The following ZNF487 variants were observed in gnomAD, a reference collection of about 807,000 sequenced individuals.
ZNF487 encodes the protein KRAB domain only 1.
ZNF487 carries 4 observed loss-of-function variants against 3.0 expected under a neutral mutation model. The observed-to-expected ratio is 1.35, with a 90% confidence interval of 0.66 to 3.08. The LOEUF is 3.08. ZNF487 is among the 30% of genes most tolerant of loss of function. The pLI is 0.01. For synonymous variants in ZNF487, 55 were observed against 34.6 expected (o/e 1.59, Z -2.06); for missense variants, 146 against 98.7 (o/e 1.48, Z -2.03).
At chr10:43,511,009 C>G in the ZNF487 span, among the ~76,000 whole-genome samples, 1 of 152,138 alleles carries the variant, frequency 6.6e-6, no homozygotes, top group African/African-American at 2.4e-5. Context: ...TTTGCGGGAA[C>G]AGGAAGCAAA....
chr10:43,502,670 A>C, the ZNF487 span, among the ~76,000 whole-genome samples: 1 of 152,164 alleles, frequency 6.6e-6, no homozygotes, highest in Admixed American at 6.5e-5. Context: ...ATAAATGCCT[A>C]TGTTACTGGT....
the ZNF487 span, among the ~76,000 whole-genome samples, chr10:43,518,143 G>T: frequency 6.6e-6 from 1 of 152,152 alleles, no homozygotes; most frequent in Non-Finnish European, 1.5e-5. Context: ...AAAAATCAAA[G>T]TAACAGGTGT....
chr10:43,476,604 A>G (rs536452705), intron 3 of ZNF487, among the ~76,000 whole-genome samples: 4 of 152,240 alleles, frequency 2.6e-5, no homozygotes, highest in African/African-American at 9.6e-5. Context: ...TGGCTGTGTT[A>G]TGTTGGTAGA....
the ZNF487 span, among the ~76,000 whole-genome samples, chr10:43,519,816 C>A: frequency 6.6e-6 from 1 of 152,082 alleles, no homozygotes; most frequent in Non-Finnish European, 1.5e-5. Flanking sequence ...TTAGCCTGAC[C>A]AAATTTATTT....
At chr10:43,501,072 T>C in the ZNF487 span, among the ~76,000 whole-genome samples, 2 of 152,320 alleles carry the variant, frequency 1.3e-5, no homozygotes, top group South Asian at 2.1e-4. Context: ...ATCTAGACTA[T>C]ACGATATAGC....
chr10:43,473,611 C>T (rs1044309131), intron 1 of ZNF487, among the ~76,000 whole-genome samples: 14 of 152,092 alleles, frequency 9.2e-5, no homozygotes, highest in African/African-American at 3.4e-4. Flanking sequence ...CTCCGCCTCC[C>T]GGGTTCACGC....
chr10:43,464,573 T>TCCCTAATGAGCTCC (rs1294688637), intron 1 of ZNF487, among the ~76,000 whole-genome samples: 1 of 152,126 alleles, frequency 6.6e-6, no homozygotes, highest in Non-Finnish European at 1.5e-5. Context: ...TGGTGATGAC[T>TCCCTAATGAGCTCC]CTTGATGAGC....
chr10:43,475,555 C>A, intron 1 of ZNF487, 166 bp from the exon 2 acceptor site: 2 of 593,860 alleles, frequency 3.4e-6, no homozygotes, highest in Non-Finnish European at 3.0e-6. Flanking sequence ...GTCCTCATAC[C>A]AGGATTTCTC....
intron 3 of ZNF487, among the ~76,000 whole-genome samples, chr10:43,481,014 G>A (rs902377711): frequency 6.6e-6 from 1 of 152,052 alleles, no homozygotes; most frequent in Non-Finnish European, 1.5e-5. Context: ...TCTCATGCCT[G>A]TAATCTCAGC....
intron 1 of ZNF487, among the ~76,000 whole-genome samples, chr10:43,464,046 A>G (rs907081428): frequency 6.6e-6 from 1 of 152,028 alleles, no homozygotes; most frequent in African/African-American, 2.4e-5. Context: ...AGAGTCATAC[A>G]TCTCTCACTT....
intron 1 of ZNF487, among the ~76,000 whole-genome samples, chr10:43,449,424 C>T (rs1839930298): frequency 6.6e-6 from 1 of 152,058 alleles, no homozygotes; most frequent in African/African-American, 2.4e-5. Flanking sequence ...CACAGTGATG[C>T]ATATATTATT....
chr10:43,451,754 G>A (rs1199525161), intron 1 of ZNF487, among the ~76,000 whole-genome samples: 3 of 151,878 alleles, frequency 2.0e-5, no homozygotes, highest in Admixed American at 2.0e-4. Flanking sequence ...TAGTAGAGAC[G>A]GGGTTTCTCC....
downstream of ZNF487, among the ~76,000 whole-genome samples, chr10:43,484,899 T>G (rs992492822): frequency 2.0e-5 from 3 of 152,240 alleles, no homozygotes; most frequent in Non-Finnish European, 1.5e-5. Context: ...TTAAATTTTT[T>G]TGTGTCTTAG....
intron 1 of ZNF487, among the ~76,000 whole-genome samples, chr10:43,474,315 G>A (rs562340658): frequency 4.6e-4 from 70 of 151,918 alleles, no homozygotes; most frequent in Non-Finnish European, 8.1e-4. Context: ...TGAGCCAGGC[G>A]TGGTGGTGCG....
intron 1 of ZNF487, among the ~76,000 whole-genome samples, chr10:43,445,326 C>A (rs1839758622): frequency 6.6e-6 from 1 of 152,050 alleles, no homozygotes; most frequent in Non-Finnish European, 1.5e-5. Flanking sequence ...TTATATCTTT[C>A]CTATACTGTA....
At chr10:43,505,412 G>A in the ZNF487 span, among the ~76,000 whole-genome samples, 1 of 151,728 alleles carries the variant, frequency 6.6e-6, no homozygotes, top group East Asian at 1.9e-4. Context: ...AGCCTCCTGA[G>A]TAGCTGGGAT....
At chr10:43,455,097 C>T (rs2132071427) in intron 1 of ZNF487, among the ~76,000 whole-genome samples, 1 of 151,724 alleles carries the variant, frequency 6.6e-6, no homozygotes, top group South Asian at 2.1e-4. Context: ...CAAGCTCCGC[C>T]TCCCGGGTTC....
At chr10:43,458,863 A>C (rs575197256) in intron 1 of ZNF487, among the ~76,000 whole-genome samples, 129 of 152,196 alleles carry the variant, frequency 8.5e-4, no homozygotes, top group Middle Eastern at 3.4e-3. Flanking sequence ...GGATAGCTGC[A>C]TGAAAGAATG....
intron 1 of ZNF487, among the ~76,000 whole-genome samples, chr10:43,465,001 ACC>A (rs1215288762): frequency 2.5e-5 from 3 of 119,570 alleles, no homozygotes; most frequent in Middle Eastern, 5.7e-3. Context: ...GCGGGGGCTG[ACC>A]CCCCCACCTC....
Sources: gnomAD v4.1 joint callset for allele counts (sites outside exome capture counted in the v4.1 genomes callset) on GRCh38, gnomAD v4.1.1 for gene constraint, MANE v1.5 for transcripts, NCBI Gene and HGNC (gene_info 2026-07-23, HGNC 2026-07-21) for gene names.